Variants in FRMPD2 observed in about 807,000 individuals in gnomAD.
FRMPD2 encodes the protein FERM and PDZ domain containing 2.
A neutral mutation model predicts 140.1 loss-of-function variants in FRMPD2; 96 were observed. That is an observed-to-expected ratio of 0.69 (90% CI 0.58 to 0.81). The LOEUF is 0.81. Ranked by LOEUF, FRMPD2 falls within the 40% of genes least tolerant of loss-of-function variation. The probability of loss-of-function intolerance (pLI) is 0.00; values close to 1 mark genes in which losing one functional copy is unlikely to be tolerated. For synonymous variants in FRMPD2, 449 were observed against 547.6 expected (o/e 0.82, Z 2.52); for missense variants, 1,240 against 1,447.4 (o/e 0.86, Z 2.32).
At chr10:48,189,796 C>T (rs560405149) in intron 16 of FRMPD2, among the ~76,000 whole-genome samples, 1 of 152,220 alleles carries the variant, frequency 6.6e-6, no homozygotes, top group Non-Finnish European at 1.5e-5. Flanking sequence ...AGCAGCCGTC[C>T]CTGGTGCCCT....
Position 48,184,843 on chromosome 10 carries a change from C to G in FRMPD2, c.2398G>C (p.Asp800His), listed in dbSNP as rs774036463. ...INEGEYSGQADPGIFISSIIP... is the reference protein window; with the variant it reads ...INEGEYSGQAHPGIFISSIIP... ...ATAGAAGATATAAAAATGCCAGGGT[C>G]AGCTTGGCCTGAATACTCTCCCTCA... Residue 800 changes from aspartate to histidine, a missense_variant, in exon 19 of 29, where the codon GAC becomes CAC. Physicochemically the swap from Asp to His is moderately conservative, Grantham distance 81 (BLOSUM62 -1). Coordinates refer to ENST00000374201, the MANE Select transcript of FRMPD2 (RefSeq NM_001018071.4). The G allele has an allele frequency of 5.0e-6, 8 of 1,613,734 alleles. No individual in the cohort carries two copies. The Admixed American group carries it at 1.3e-4, about 27-fold the overall frequency.
At chr10:48,193,379 C>T (rs368610563) in intron 15 of FRMPD2, among the ~76,000 whole-genome samples, 2 of 152,088 alleles carry the variant, frequency 1.3e-5, no homozygotes, top group East Asian at 3.9e-4. Context: ...CGTAGTTTGC[C>T]CTGGTAATCA....
intron 17 of FRMPD2, among the ~76,000 whole-genome samples, chr10:48,186,875 T>C (rs1271397586): frequency 6.6e-6 from 1 of 152,178 alleles, no homozygotes; most frequent in Non-Finnish European, 1.5e-5. Flanking sequence ...GAGGTGATGT[T>C]CTGGCCTGCA....
At chr10:48,239,841 G>A (rs1588848697) in intron 6 of FRMPD2, 149 bp from the exon 7 acceptor site, 2 of 611,580 alleles carry the variant, frequency 3.3e-6, no homozygotes, top group Non-Finnish European at 5.9e-6. Context: ...GTTTCCTCAT[G>A]TAGAAAACAG....
chr10:48,203,227 T>C (rs377710023), intron 14 of FRMPD2, among the ~76,000 whole-genome samples: 23 of 152,174 alleles, frequency 1.5e-4, no homozygotes, highest in African/African-American at 5.3e-4. Context: ...TCAGCAAAAC[T>C]CTCCTTTTCA....
chr10:48,261,682 A>C (rs1278613765), intron 1 of FRMPD2, among the ~76,000 whole-genome samples: 1 of 152,204 alleles, frequency 6.6e-6, no homozygotes, highest in African/African-American at 2.4e-5. Context: ...AAAATGATAC[A>C]GAAGAGAAAC....
At chr10:48,237,828 C>G (rs1840004999) in intron 8 of FRMPD2, among the ~76,000 whole-genome samples, 163 bp downstream of exon 8, 1 of 152,136 alleles carries the variant, frequency 6.6e-6, no homozygotes, top group South Asian at 2.1e-4. Flanking sequence ...TGCCTATGCC[C>G]TAAGTTGCAA....
intron 1 of FRMPD2, among the ~76,000 whole-genome samples, chr10:48,268,492 C>T (rs145719781): frequency 4.5e-4 from 69 of 152,288 alleles, no homozygotes; most frequent in African/African-American, 1.4e-3. Flanking sequence ...TAGCCAAAAA[C>T]TGTTAAGTCA....
intron 20 of FRMPD2, among the ~76,000 whole-genome samples, chr10:48,182,208 T>C (rs1838569404): frequency 6.6e-6 from 1 of 152,190 alleles, no homozygotes; most frequent in African/African-American, 2.4e-5. Context: ...TGTTTCATAA[T>C]GCTGTATTTC....
At position 48,236,472 on chromosome 10, in the gene FRMPD2, C is replaced by G; in HGVS notation, c.993+10G>C. On this transcript the variant is annotated intron_variant, in intron 9 of 28. Transcript: ENST00000374201. ...CCCTCCATCCCTGCCCAGTCTAGCC[C>G]AGTAGTTACCACAACCGATCCCGGC... 6.2e-7 allele frequency: 1 copy of G among 1,613,768 alleles called. No individual in the cohort carries two copies. The highest frequency in any genetic ancestry group is 1.1e-5 in the South Asian group (1 of 91,064).
At chr10:48,255,273 G>C (rs990692752) in intron 1 of FRMPD2, among the ~76,000 whole-genome samples, 1 of 152,176 alleles carries the variant, frequency 6.6e-6, no homozygotes, top group African/African-American at 2.4e-5. Flanking sequence ...TTTCCAATGA[G>C]TTTCCAGGCT....
chr10:48,193,690 A>G (rs1838891313), intron 15 of FRMPD2, among the ~76,000 whole-genome samples: 1 of 152,216 alleles, frequency 6.6e-6, no homozygotes, highest in Non-Finnish European at 1.5e-5. Flanking sequence ...TGCTAAAACC[A>G]AGAAGGAAAG....
At chr10:48,268,111 G>A (rs1487599909) in intron 1 of FRMPD2, among the ~76,000 whole-genome samples, 3 of 152,094 alleles carry the variant, frequency 2.0e-5, no homozygotes, top group Non-Finnish European at 1.5e-5. Context: ...TACACACATC[G>A]CAGATAAGCA....
chr10:48,171,529 G>A (rs1431394438), intron 25 of FRMPD2, among the ~76,000 whole-genome samples: 3 of 152,286 alleles, frequency 2.0e-5, no homozygotes, highest in Non-Finnish European at 4.4e-5. Flanking sequence ...CGCTATAATC[G>A]TACATCTAAT....
chr10:48,192,365 T>C (rs1838849382), intron 16 of FRMPD2, among the ~76,000 whole-genome samples: 1 of 152,180 alleles, frequency 6.6e-6, no homozygotes, highest in Non-Finnish European at 1.5e-5. Context: ...GTGGATCACC[T>C]GAGGTCTGGA....
intron 12 of FRMPD2, among the ~76,000 whole-genome samples, chr10:48,215,151 G>A (rs1213227978): frequency 6.6e-6 from 1 of 152,144 alleles, no homozygotes; most frequent in African/African-American, 2.4e-5. Context: ...TCACAACAGT[G>A]GTTTCCAAAT....
At chr10:48,193,059 A>G in intron 15 of FRMPD2, 165 bp from the exon 16 acceptor site, 1 of 613,296 alleles carries the variant, frequency 1.6e-6, no homozygotes, top group Non-Finnish European at 2.9e-6. Context: ...AAGGTCTCCT[A>G]ATTAGCACTT....
At position 48,201,221 on chromosome 10, in the gene FRMPD2, T is replaced by A; in HGVS notation, c.1954+7A>T. The A allele has an allele frequency of 6.2e-7, 1 of 1,601,872 alleles. No individual in the cohort carries two copies. The highest frequency in any genetic ancestry group is 8.5e-7 in the Non-Finnish European group (1 of 1,173,948). On this transcript the variant is annotated splice_region_variant and intron_variant, in intron 15 of 28. Transcript: ENST00000374201. ...AAGTGTATATGGAGAATACAGCTTCTACTCACCAAATAAAACATGGGAAGG... is the reference window on the plus strand; with the variant it reads ...AAGTGTATATGGAGAATACAGCTTCAACTCACCAAATAAAACATGGGAAGG...
chr10:48,193,012 C>T, intron 15 of FRMPD2, 118 bp from the exon 16 acceptor site: 1 of 757,084 alleles, frequency 1.3e-6, no homozygotes, highest in Admixed American at 2.1e-5. Context: ...TCTTTTTCTG[C>T]TGCTATTTTG....
Sources: gnomAD v4.1 joint callset for allele counts (sites outside exome capture counted in the v4.1 genomes callset) on GRCh38, gnomAD v4.1.1 for gene constraint, MANE v1.5 for transcripts, NCBI Gene and HGNC (gene_info 2026-07-23, HGNC 2026-07-21) for gene names.